ERBB4: variants seen among roughly 807,000 people sequenced by gnomAD.
ERBB4 encodes erb-b2 receptor tyrosine kinase 4, also known as receptor tyrosine-protein kinase erbB-4.
A neutral mutation model predicts 158.0 loss-of-function variants in ERBB4; 42 were observed. The ratio of observed to expected loss-of-function variants is 0.27; its 90% CI spans 0.21 to 0.34. The LOEUF (loss-of-function observed/expected upper bound fraction) is 0.34. Among genes scored for constraint, ERBB4 ranks in the 10% least tolerant of loss-of-function variants. The probability of loss-of-function intolerance (pLI) is 1.00; values close to 1 mark genes in which losing one functional copy is unlikely to be tolerated. For missense variants in ERBB4, 1,333 were observed against 1,624.1 expected (o/e 0.82, Z 3.08); for synonymous variants, 583 against 558.7 (o/e 1.04, Z -0.61).
At chr2:211,754,152 G>A (rs946758710) in intron 4 of ERBB4, among the ~76,000 whole-genome samples, 2 of 151,982 alleles carry the variant, frequency 1.3e-5, no homozygotes, top group East Asian at 1.9e-4. Context: ...AAGCCACCGC[G>A]CCTGGCCAAA....
intron 3 of ERBB4, among the ~76,000 whole-genome samples, chr2:211,800,184 CCTGGCTCCA>C (rs1466231998): frequency 1.3e-5 from 2 of 152,172 alleles, no homozygotes; most frequent in African/African-American, 4.8e-5. Context: ...AGTCTGTCTG[CCTGGCTCCA>C]CAGCCCCATT....
At chr2:211,581,034 T>C (rs914076790) in intron 19 of ERBB4, among the ~76,000 whole-genome samples, 1 of 150,784 alleles carries the variant, frequency 6.6e-6, no homozygotes, top group African/African-American at 2.4e-5. Context: ...CTAAATGCTG[T>C]ATGTTCTCAC....
chr2:211,856,032 C>T (rs185942876), intron 3 of ERBB4, among the ~76,000 whole-genome samples: 131 of 152,262 alleles, frequency 8.6e-4, no homozygotes, highest in Middle Eastern at 3.4e-3. Context: ...ATTTGGGTGA[C>T]GGGTACACTA....
intron 3 of ERBB4, among the ~76,000 whole-genome samples, chr2:211,804,836 G>A (rs968945259): frequency 2.0e-5 from 3 of 151,992 alleles, no homozygotes; most frequent in Admixed American, 2.0e-4. Context: ...CATGGTTAGA[G>A]TGAATCCTTC....
chr2:212,320,561 C>T lies in ERBB4; in HGVS notation c.83-195658G>A, dbSNP rs139390182. Among the ~76,000 whole-genome samples, 803 of 147,832 alleles carry T rather than the reference C, an allele frequency of 5.4e-3. 13 individuals carry two copies. The highest frequency in any genetic ancestry group is 0.018 in the African/African-American group (715 of 40,804). ...TTCTGGCTATTATATTCTGAGTTCTCAGAACTGGAAAGAAGGAAAGGTTGA... is the reference window on the plus strand; with the variant it reads ...TTCTGGCTATTATATTCTGAGTTCTTAGAACTGGAAAGAAGGAAAGGTTGA... On this transcript the variant is annotated intron_variant, in intron 1 of 27. Coordinates refer to ENST00000342788, the MANE Select transcript of ERBB4 (RefSeq NM_005235.3).
intron 1 of ERBB4, among the ~76,000 whole-genome samples, chr2:212,514,550 T>C (rs1691718119): frequency 6.6e-6 from 1 of 152,196 alleles, no homozygotes; most frequent in Non-Finnish European, 1.5e-5. Context: ...CTCATGCCTG[T>C]AATCCCAGCA....
intron 1 of ERBB4, among the ~76,000 whole-genome samples, chr2:212,447,605 CA>C (rs2092381036): frequency 6.6e-6 from 1 of 152,026 alleles, no homozygotes; most frequent in South Asian, 2.1e-4. Flanking sequence ...ATCCAGTTTT[CA>C]AATAAGTAAT....
chr2:211,420,697 A>G lies in ERBB4; in HGVS notation c.2965-86T>C, dbSNP rs1196844570. On this transcript the variant is annotated intron_variant, in intron 24 of 27. Transcript: ENST00000342788. ...CTCTGCAATAAATTTATGTAATATC[A>G]TAACAAATGGTTGAAAAATTCATAC... The G allele has an allele frequency of 1.6e-5, 19 of 1,188,760 alleles. 1 individual carries two copies. Among genetic ancestry groups the G allele is most frequent in the African/African-American group, 1.1e-4 (7 of 64,414 alleles). The allele number at this position is 1,188,760 out of a possible 1,614,324, so 73.6% of individuals were successfully genotyped here. A position where few individuals can be genotyped will look rare whatever the true frequency, so the allele number is the denominator to read the frequency against.
chr2:211,707,083 A>G (rs552569317), intron 9 of ERBB4, among the ~76,000 whole-genome samples: 3 of 152,290 alleles, frequency 2.0e-5, no homozygotes, highest in African/African-American at 7.2e-5. Flanking sequence ...GTATAATCAA[A>G]TATCTTGGCT....
intron 2 of ERBB4, among the ~76,000 whole-genome samples, chr2:212,113,108 T>C (rs1167618205): frequency 2.0e-5 from 3 of 152,022 alleles, no homozygotes; most frequent in Admixed American, 2.0e-4. Flanking sequence ...AGGGTGGGGA[T>C]GAAAATACAG....
Position 211,381,340 on chromosome 2 carries a change from G to T in ERBB4, c.*2275C>A. The T allele has an allele frequency of 4.3e-6, 1 of 232,310 alleles. No homozygotes were observed. The highest frequency in any genetic ancestry group is 6.1e-5 in the East Asian group (1 of 16,434). 14.4% of individuals were successfully genotyped at this position (232,310 alleles called of 1,614,324 possible). ...AGACTCTAGATAGGCTAATTAGTCA[G>T]TGATGCAATATTCTCCTAGACCAGT... is the stretch of plus-strand genomic sequence containing the variant. On this transcript the variant is annotated 3_prime_UTR_variant, in exon 28 of 28. Coordinates refer to ENST00000342788, the MANE Select transcript of ERBB4 (RefSeq NM_005235.3).
At chr2:211,523,363 T>C (rs977813244) in intron 20 of ERBB4, among the ~76,000 whole-genome samples, 8 of 150,868 alleles carry the variant, frequency 5.3e-5, no homozygotes, top group African/African-American at 1.9e-4. Flanking sequence ...TTTTGAGATG[T>C]TGAATTTAAC....
chr2:212,017,859 G>A (rs73988940), intron 2 of ERBB4, among the ~76,000 whole-genome samples: 13,915 of 152,056 alleles, frequency 0.092, 1,276 homozygotes, highest in African/African-American at 0.24. Flanking sequence ...AATGATTCCT[G>A]AGAAAATAAG....
chr2:212,465,909 G>GA (rs1298281364), intron 1 of ERBB4, among the ~76,000 whole-genome samples: 1 of 152,088 alleles, frequency 6.6e-6, no homozygotes, highest in African/African-American at 2.4e-5. Context: ...TCTTCTATTT[G>GA]AAATTCTATT....
chr2:212,500,135 T>A (rs1387960529), intron 1 of ERBB4, among the ~76,000 whole-genome samples: 1 of 152,124 alleles, frequency 6.6e-6, no homozygotes, highest in Non-Finnish European at 1.5e-5. Flanking sequence ...TACTTTTTAT[T>A]GATCAAATGA....
At chr2:212,231,423 A>C (rs1213318978) in intron 1 of ERBB4, among the ~76,000 whole-genome samples, 2 of 152,216 alleles carry the variant, frequency 1.3e-5, no homozygotes, top group African/African-American at 4.8e-5. Context: ...TTTTCTTTCC[A>C]TCTTTCATTA....
At chr2:211,556,762 T>G (rs56696344) in intron 20 of ERBB4, among the ~76,000 whole-genome samples, 41,277 of 151,912 alleles carry the variant, frequency 0.27, 6,676 homozygotes, top group African/African-American at 0.45. Context: ...GAAAACTATT[T>G]TAAAATTCAT....
intron 1 of ERBB4, among the ~76,000 whole-genome samples, chr2:212,438,393 G>A (rs2092183831): frequency 6.6e-6 from 1 of 151,974 alleles, no homozygotes; most frequent in African/African-American, 2.4e-5. Flanking sequence ...CAAAATTCCT[G>A]GTGAACAAAT....
chr2:211,917,119 C>T (rs908311718), intron 3 of ERBB4, among the ~76,000 whole-genome samples: 1 of 152,142 alleles, frequency 6.6e-6, no homozygotes, highest in Non-Finnish European at 1.5e-5. Flanking sequence ...CTACGGGGAA[C>T]AGGTCAGGCT....
Sources: allele counts gnomAD v4.1 joint callset (sites outside exome capture counted in the v4.1 genomes callset), GRCh38; gene constraint gnomAD v4.1.1; transcripts MANE v1.5; gene names NCBI Gene and HGNC (gene_info 2026-07-23, HGNC 2026-07-21).